The following CABLES1 variants were observed in gnomAD, a reference collection of about 807,000 sequenced individuals.
CABLES1 encodes Cdk5 and Abl enzyme substrate 1, also known as CDK5 and ABL1 enzyme substrate 1.
In CABLES1, 36 loss-of-function variants were observed where a neutral mutation model predicts 57.8. The ratio of observed to expected loss-of-function variants is 0.62; its 90% CI spans 0.48 to 0.82. The LOEUF (loss-of-function observed/expected upper bound fraction) is 0.82. Ranked by LOEUF, CABLES1 falls within the 40% of genes least tolerant of loss-of-function variation. The pLI is 0.00. For missense variants in CABLES1, 767 were observed against 836.6 expected (o/e 0.92, Z 1.03); for synonymous variants, 374 against 363.0 (o/e 1.03, Z -0.35).
At chr18:23,254,918 G>T (rs1430261476) in intron 9 of CABLES1, among the ~76,000 whole-genome samples, 4 of 152,236 alleles carry the variant, frequency 2.6e-5, no homozygotes, top group Non-Finnish European at 5.9e-5. Flanking sequence ...ATGCCATGCT[G>T]TGGGGGCTGT....
chr18:23,211,669 G>C (rs143983588), intron 3 of CABLES1, among the ~76,000 whole-genome samples: 1 of 152,256 alleles, frequency 6.6e-6, no homozygotes, highest in Non-Finnish European at 1.5e-5. Context: ...AAGAGCATTC[G>C]TAGTGGTAAA....
chr18:23,218,233 C>T (rs948199094), intron 4 of CABLES1, among the ~76,000 whole-genome samples: 2 of 152,190 alleles, frequency 1.3e-5, no homozygotes, highest in Non-Finnish European at 1.5e-5. Context: ...TTGTGCTGCA[C>T]TCAAGCTTCC....
chr18:23,249,892 G>T (rs2047996134), intron 7 of CABLES1, among the ~76,000 whole-genome samples: 1 of 152,238 alleles, frequency 6.6e-6, no homozygotes, highest in South Asian at 2.1e-4. Context: ...TGGGGCACGA[G>T]CTGGAAGCAG....
rs59555750 is a variant in CABLES1, at chr18:23,248,512, CTTT to C, written c.1447-4424_1447-4422del. Among the ~76,000 whole-genome samples the C allele has an allele frequency of 2.6e-3, 233 of 90,660 alleles. 1 individual carries two copies. Among genetic ancestry groups the C allele is most frequent in the East Asian group, 4.7e-3 (14 of 2,950 alleles). 59.5% of individuals were successfully genotyped at this position (90,660 alleles called of 152,430 possible). ...CTGGCAATGTAGCAAGACCCTATGT[CTTT>C]TTTTTTTTTTTTTTTTTTTTTTTAA... On this transcript the variant is annotated intron_variant, in intron 7 of 9. Transcript: ENST00000256925.
chr18:23,228,044 T>C (rs2047540758), intron 4 of CABLES1, among the ~76,000 whole-genome samples: 1 of 152,320 alleles, frequency 6.6e-6, no homozygotes, highest in African/African-American at 2.4e-5. Context: ...CCTTGGAACC[T>C]AGTTAATTGG....
chr18:23,222,135 C>G (rs1299571914), intron 4 of CABLES1, among the ~76,000 whole-genome samples: 1 of 151,968 alleles, frequency 6.6e-6, no homozygotes, highest in Non-Finnish European at 1.5e-5. Flanking sequence ...CCTTGAGGCT[C>G]TGGCCTTGGC....
intron 4 of CABLES1, among the ~76,000 whole-genome samples, chr18:23,218,507 CTTG>C: frequency 1.1e-5 from 1 of 93,072 alleles, no homozygotes; most frequent in Non-Finnish European, 2.0e-5. Flanking sequence ...CGCATCCTCA[CTTG>C]CCCTGCCTCC....
upstream of CABLES1, chr18:23,134,632 A>C (rs2046803988): frequency 6.6e-6 from 1 of 152,230 alleles, no homozygotes; most frequent in South Asian, 2.1e-4. Context: ...AAGAGATCAT[A>C]ATCTACAAAA....
intron 1 of CABLES1, among the ~76,000 whole-genome samples, chr18:23,175,337 T>G (rs1332186319): frequency 6.6e-6 from 1 of 152,232 alleles, no homozygotes; most frequent in Non-Finnish European, 1.5e-5. Context: ...AAAAGCACTC[T>G]GCTGCTCAGA....
chr18:23,234,326 G>A (rs368698857), intron 4 of CABLES1, among the ~76,000 whole-genome samples: 1 of 152,206 alleles, frequency 6.6e-6, no homozygotes, highest in Non-Finnish European at 1.5e-5. Flanking sequence ...TTCATTGGCC[G>A]TCTCTAGGAA....
chr18:23,233,630 T>C (rs1041640277), intron 4 of CABLES1, among the ~76,000 whole-genome samples: 2 of 152,092 alleles, frequency 1.3e-5, no homozygotes, highest in African/African-American at 4.8e-5. Context: ...GGAGGATGGC[T>C]TGCGCCCAAG....
intron 7 of CABLES1, among the ~76,000 whole-genome samples, chr18:23,250,113 G>T (rs931865217): frequency 6.6e-6 from 1 of 152,192 alleles, no homozygotes; most frequent in Non-Finnish European, 1.5e-5. Context: ...TGGTTGCTGC[G>T]AGGAGAGATC....
In CABLES1 at chr18:23,208,494, C is replaced by T. The variant is rs114011580; in HGVS notation, c.1011-5483C>T. 8.4e-3 allele frequency among the ~76,000 whole-genome samples: 1,280 copies of T among 152,252 alleles called. 18 individuals are homozygous for T. Among genetic ancestry groups the T allele is most frequent in the African/African-American group, 0.03 (1,230 of 41,532 alleles). On this transcript the variant is annotated intron_variant, in intron 3 of 9. Coordinates refer to ENST00000256925, the MANE Select transcript of CABLES1 (RefSeq NM_001100619.3). ...AAAGCATTGTGAGAGGAGGAAGGAACGGCTGTGGGAAAAGGGGTCAGAGTG... is the reference window on the plus strand; with the variant it reads ...AAAGCATTGTGAGAGGAGGAAGGAATGGCTGTGGGAAAAGGGGTCAGAGTG...
chr18:23,153,801 C>T (rs536992167), intron 1 of CABLES1, among the ~76,000 whole-genome samples: 4 of 152,160 alleles, frequency 2.6e-5, no homozygotes, highest in East Asian at 1.9e-4. Flanking sequence ...GAGGCTGAGG[C>T]GGGCAGATCA....
intron 1 of CABLES1, chr18:23,156,029 G>A (rs1424124078): frequency 5.2e-5 from 78 of 1,507,384 alleles, no homozygotes; most frequent in Admixed American, 3.9e-4. Context: ...GGATGCTGAC[G>A]GTCTTTGTTG....
intron 1 of CABLES1, among the ~76,000 whole-genome samples, chr18:23,148,135 G>T (rs915039549): frequency 6.6e-6 from 1 of 151,872 alleles, no homozygotes; most frequent in Non-Finnish European, 1.5e-5. Context: ...GACTACAGGC[G>T]CCCGCCACCA....
At chr18:23,247,700 C>T (rs918155155) in intron 7 of CABLES1, among the ~76,000 whole-genome samples, 3 of 152,256 alleles carry the variant, frequency 2.0e-5, no homozygotes, top group African/African-American at 7.2e-5. Context: ...GACTCTGGCT[C>T]TTGAGCCTGT....
Position 23,166,090 on chromosome 18 carries a change from C to T in CABLES1, c.846-22748C>T, listed in dbSNP as rs1251769913. ...TTATTAATCTTTTATTGTTTCATGG[C>T]CTTCTACCTATTATGTTCAATGATG... On this transcript the variant is annotated intron_variant, in intron 1 of 9. Coordinates refer to ENST00000256925, the MANE Select transcript of CABLES1 (RefSeq NM_001100619.3). 2.0e-5 allele frequency among the ~76,000 whole-genome samples: 3 copies of T among 152,112 alleles called. No homozygotes were observed. In the East Asian group the frequency reaches 5.8e-4, roughly 29 times the overall value.
At chr18:23,188,696 C>T in intron 1 of CABLES1, 142 bp from the exon 2 acceptor site, 1 of 680,380 alleles carries the variant, frequency 1.5e-6, no homozygotes, top group African/African-American at 1.8e-5. Flanking sequence ...GGGAACATGG[C>T]AGCCTCTTAG....
Sources: allele counts gnomAD v4.1 joint callset (sites outside exome capture counted in the v4.1 genomes callset), GRCh38; gene constraint gnomAD v4.1.1; transcripts MANE v1.5; gene names NCBI Gene and HGNC (gene_info 2026-07-23, HGNC 2026-07-21).